Variants in DOCK8 observed in about 807,000 individuals in gnomAD.
DOCK8 encodes the protein dedicator of cytokinesis 8, also known as dedicator of cytokinesis protein 8.
Under a neutral mutation model 245.6 loss-of-function variants are expected in DOCK8, and 141 were observed. That is an observed-to-expected ratio of 0.57 (90% CI 0.50 to 0.66). DOCK8 has a LOEUF of 0.66. Among genes scored for constraint, DOCK8 ranks in the 30% least tolerant of loss-of-function variants. The pLI, the probability that DOCK8 is intolerant of heterozygous loss-of-function variation, is 0.00. For missense variants in DOCK8, 2,965 were observed against 2,603.4 expected (o/e 1.14, Z -3.02); for synonymous variants, 1,168 against 970.2 (o/e 1.20, Z -3.79).
At chr9:450,045 A>G (rs1166353830) in intron 45 of DOCK8, 118 bp downstream of exon 45, 1 of 1,171,918 alleles carries the variant, frequency 8.5e-7, no homozygotes, top group Non-Finnish European at 1.2e-6. Flanking sequence ...AAACACAGAA[A>G]TGTTCCTACA....
At chr9:294,098 T>G (rs2049157545) in intron 4 of DOCK8, among the ~76,000 whole-genome samples, 1 of 152,222 alleles carries the variant, frequency 6.6e-6, no homozygotes, top group South Asian at 2.1e-4. Context: ...TTACAAACAT[T>G]TCTTTAAAAT....
intron 9 of DOCK8, among the ~76,000 whole-genome samples, chr9:330,428 A>G (rs1411700289): frequency 6.6e-6 from 1 of 152,172 alleles, no homozygotes; most frequent in Non-Finnish European, 1.5e-5. Context: ...TTCCCATCTT[A>G]AAGAGTTTAC....
chr9:269,809 C>T (rs2048117112), intron 1 of DOCK8, among the ~76,000 whole-genome samples: 1 of 152,158 alleles, frequency 6.6e-6, no homozygotes, highest in Non-Finnish European at 1.5e-5. Flanking sequence ...CTGCCCACTT[C>T]AGCCCCCCAA....
chr9:297,064 A>G (rs1174180377), intron 4 of DOCK8, among the ~76,000 whole-genome samples: 1 of 152,106 alleles, frequency 6.6e-6, no homozygotes, highest in African/African-American at 2.4e-5. Flanking sequence ...CCTTGTTCTG[A>G]TGCACCTTAT....
chr9:220,860 A>C (rs2046867902), intron 1 of DOCK8: 1 of 298,512 alleles, frequency 3.3e-6, no homozygotes, highest in Non-Finnish European at 6.6e-6. Flanking sequence ...AGCTGAGATT[A>C]CAGGTGCGCA....
intron 36 of DOCK8, among the ~76,000 whole-genome samples, chr9:430,643 C>T (rs1362316914): frequency 1.3e-5 from 2 of 148,460 alleles, no homozygotes; most frequent in East Asian, 4.0e-4. Context: ...GATTGTGCCA[C>T]TGTATTCCAG....
chr9:291,133 A>G (rs536365464), intron 4 of DOCK8, among the ~76,000 whole-genome samples: 3 of 152,358 alleles, frequency 2.0e-5, no homozygotes, highest in African/African-American at 7.2e-5. Context: ...TGGACATTAA[A>G]GATCTAAAAA....
At chr9:386,213 T>A in intron 22 of DOCK8, 118 bp from the exon 23 acceptor site, 2 of 841,606 alleles carry the variant, frequency 2.4e-6, no homozygotes, top group Non-Finnish European at 3.9e-6. Context: ...TTGTTTTACC[T>A]TTGTAACCAG....
chr9:345,139 G>C (rs2051817036), intron 14 of DOCK8, among the ~76,000 whole-genome samples: 1 of 152,190 alleles, frequency 6.6e-6, no homozygotes, highest in Admixed American at 6.5e-5. Flanking sequence ...CCAAGAGTCT[G>C]TCAGGTAACT....
At chr9:314,519 C>T (rs866279280) in intron 6 of DOCK8, 4 of 152,184 alleles carry the variant, frequency 2.6e-5, no homozygotes, top group South Asian at 2.1e-4. Context: ...TGCAGACGCT[C>T]CATTGGGACT....
chr9:312,182 T>G lies in DOCK8; in HGVS notation c.741+16T>G, dbSNP rs746933009. The G allele has an allele frequency of 3.7e-5, 59 of 1,613,448 alleles. No individual in the cohort carries two copies. Among genetic ancestry groups the G allele is most frequent in the Admixed American group, 6.7e-5 (4 of 59,974 alleles). On this transcript the variant is annotated intron_variant, in intron 6 of 47. Transcript: ENST00000432829. Reference sequence around the variant, plus strand: ...AGTGGACGAGGTGGGTGCCACTGTTTCCATACTGGAGAATCTCAGTGAAGA... The same window carrying G: ...AGTGGACGAGGTGGGTGCCACTGTTGCCATACTGGAGAATCTCAGTGAAGA...
chr9:318,148 T>C (rs1411710807), intron 7 of DOCK8, among the ~76,000 whole-genome samples: 1 of 152,240 alleles, frequency 6.6e-6, no homozygotes, highest in African/African-American at 2.4e-5. Flanking sequence ...TCGGAGTGCC[T>C]CCATACCTCT....
In DOCK8 at chr9:344,534, AAGCT is replaced by A. The variant is rs917159863; in HGVS notation, c.1679+4214_1679+4217del. On this transcript the variant is annotated intron_variant, in intron 14 of 47. Transcript: ENST00000432829. ...GGTCTGAACCCCAGGTAAAATTGGC[AAGCT>A]GACTAAGTTCGCCTTGGGTGACCTC... Among the ~76,000 whole-genome samples, 851 of 150,608 alleles carry A rather than the reference AAGCT, an allele frequency of 5.7e-3. 12 individuals are homozygous for A. Among genetic ancestry groups the A allele is most frequent in the African/African-American group, 0.02 (803 of 40,756 alleles).
chr9:310,101 C>G (rs950100941), intron 5 of DOCK8, among the ~76,000 whole-genome samples: 1 of 151,966 alleles, frequency 6.6e-6, no homozygotes, highest in Non-Finnish European at 1.5e-5. Flanking sequence ...AACCCTGTCT[C>G]TACTAAAAAT....
Position 400,971 on chromosome 9 carries a change from C to T in DOCK8, c.3234+1712C>T, listed in dbSNP as rs201936730. Among the ~76,000 whole-genome samples the T allele has an allele frequency of 3.1e-4, 44 of 141,630 alleles. 3 individuals carry two copies. Among genetic ancestry groups the T allele is most frequent in the East Asian group, 1.4e-3 (6 of 4,374 alleles). The allele number at this position is 141,630 out of a possible 152,430, so 92.9% of individuals were successfully genotyped here. On this transcript the variant is annotated intron_variant, in intron 26 of 47. Coordinates refer to ENST00000432829, the MANE Select transcript of DOCK8 (RefSeq NM_203447.4). ...ATCACCACCACCACCACCACCTCCT[C>T]CACCATCACCACCTCCTCCACCACC...
chr9:378,456 ATC>A (rs1346638698), intron 20 of DOCK8, among the ~76,000 whole-genome samples: 2 of 152,216 alleles, frequency 1.3e-5, no homozygotes, highest in Non-Finnish European at 1.5e-5. Flanking sequence ...TGTCCCCTTA[ATC>A]TCTCACTCTG....
chr9:312,002 C>A lies in DOCK8; in HGVS notation c.577C>A (p.Pro193Thr). The A allele has an allele frequency of 6.2e-7, 1 of 1,614,158 alleles. No individual in the cohort carries two copies. The highest frequency in any genetic ancestry group is 8.5e-7 in the Non-Finnish European group (1 of 1,180,030). The change falls in exon 6 of 48, where the codon CCC becomes ACC. Residue 193 changes from proline to threonine, a missense_variant. Pro to Thr is a conservative substitution (Grantham distance 38, BLOSUM62 -1). Around this residue, in one of 3 missense-constraint regions of DOCK8, gnomAD observed 2,825 missense variants for 2,453.5 expected, o/e 1.15. Transcript: ENST00000432829. ...GCTGTGCGACGTGTCTGGGAAAGGC[C>A]CCGTCACTGCCTGTGACTTTGACCT... is the stretch of plus-strand genomic sequence containing the variant. ...NVLCDVSGKGPVTACDFDLRS... is the reference protein window; with the variant it reads ...NVLCDVSGKGTVTACDFDLRS...
Position 289,497 on chromosome 9 carries a change from T to A in DOCK8, c.333-13T>A, listed in dbSNP as rs371504395. 159 of 1,611,794 alleles carry A rather than the reference T, an allele frequency of 9.9e-5. No individual in the cohort carries two copies. In the African/African-American group the frequency reaches 2.1e-3, roughly 21 times the overall value. Reference sequence around the variant, plus strand: ...CAGTAATAACGTGTTTATTTCATTTTCTACCTCATTAGGGTTGAACTGGAC... The same window carrying A: ...CAGTAATAACGTGTTTATTTCATTTACTACCTCATTAGGGTTGAACTGGAC... On this transcript the variant is annotated splice_polypyrimidine_tract_variant and intron_variant, in intron 3 of 47. Coordinates refer to ENST00000432829, the MANE Select transcript of DOCK8 (RefSeq NM_203447.4).
At chr9:362,865 A>G (rs1268922674) in intron 14 of DOCK8, among the ~76,000 whole-genome samples, 1 of 152,202 alleles carries the variant, frequency 6.6e-6, no homozygotes, top group African/African-American at 2.4e-5. Context: ...ATGTTTTTGT[A>G]TTGTGGCTTT....
Sources: gnomAD v4.1 joint callset for allele counts (sites outside exome capture counted in the v4.1 genomes callset) on GRCh38, gnomAD v4.1.1 for gene constraint, gnomAD v4.1.1 regional missense constraint, MANE v1.5 for transcripts, NCBI Gene and HGNC (gene_info 2026-07-23, HGNC 2026-07-21) for gene names.